The following PTPN2 variants were observed in gnomAD, a reference collection of about 807,000 sequenced individuals.
PTPN2 encodes protein tyrosine phosphatase non-receptor type 2.
A neutral mutation model predicts 57.3 loss-of-function variants in PTPN2; 19 were observed. The ratio of observed to expected loss-of-function variants is 0.33; its 90% CI spans 0.23 to 0.49. The LOEUF is 0.49. Among genes scored for constraint, PTPN2 ranks in the 20% least tolerant of loss-of-function variants. The pLI, the probability that PTPN2 is intolerant of heterozygous loss-of-function variation, is 0.99. For missense variants in PTPN2, 358 were observed against 501.1 expected (o/e 0.71, Z 2.73); for synonymous variants, 153 against 164.9 (o/e 0.93, Z 0.55).
intron 7 of PTPN2, among the ~76,000 whole-genome samples, chr18:12,803,798 C>T (rs2145256417): frequency 6.6e-6 from 1 of 152,266 alleles, no homozygotes; most frequent in South Asian, 2.1e-4. Flanking sequence ...CTACATCCCA[C>T]TTTCAGCAAT....
At chr18:12,830,071 T>C (rs2042614642) in intron 4 of PTPN2, among the ~76,000 whole-genome samples, 1 of 152,058 alleles carries the variant, frequency 6.6e-6, no homozygotes, top group Admixed American at 6.6e-5. Flanking sequence ...TCTACAATGG[T>C]GCTCAAACTG....
chr18:12,867,844 GTTTCT>G (rs113414084), intron 1 of PTPN2, among the ~76,000 whole-genome samples: 20,178 of 152,002 alleles, frequency 0.13, 2,634 homozygotes, highest in African/African-American at 0.34. Context: ...ACTGTTCTCA[GTTTCT>G]TTTCTTTTCT....
rs1173910002 is a variant in PTPN2 at position 12,881,478 on chromosome 18, C to A, written c.69+2595G>T. On this transcript the variant is annotated intron_variant, in intron 1 of 8. Transcript: ENST00000309660. ...TATGATCATGGTATTTCCAGACTTACAATTCCACAATGAGTTCCTATTAAA... is the reference window on the plus strand; with the variant it reads ...TATGATCATGGTATTTCCAGACTTAAAATTCCACAATGAGTTCCTATTAAA... Among the ~76,000 whole-genome samples the A allele has an allele frequency of 2.0e-5, 3 of 152,130 alleles. No individual in the cohort carries two copies. In the East Asian group the frequency reaches 5.8e-4, roughly 29 times the overall value.
At chr18:12,867,148 T>C (rs1439002088) in intron 1 of PTPN2, among the ~76,000 whole-genome samples, 1 of 149,754 alleles carries the variant, frequency 6.7e-6, no homozygotes, top group Non-Finnish European at 1.5e-5. Flanking sequence ...AAAATAAAAA[T>C]AAACACATAA....
At chr18:12,850,546 ACT>A (rs1486032423) in intron 2 of PTPN2, among the ~76,000 whole-genome samples, 1 of 152,026 alleles carries the variant, frequency 6.6e-6, no homozygotes, top group Non-Finnish European at 1.5e-5. Flanking sequence ...TCATTGCAGT[ACT>A]GTTTTAGCTC....
chr18:12,811,487 A>G (rs569494792), intron 7 of PTPN2, among the ~76,000 whole-genome samples: 14 of 152,314 alleles, frequency 9.2e-5, no homozygotes, highest in African/African-American at 3.1e-4. Flanking sequence ...GCAGAGAGAG[A>G]AATAAAAGAG....
intron 2 of PTPN2, among the ~76,000 whole-genome samples, chr18:12,841,941 T>C (rs930587804): frequency 6.6e-6 from 1 of 151,924 alleles, no homozygotes; most frequent in Non-Finnish European, 1.5e-5. Flanking sequence ...AGTTTCGCTC[T>C]TGTTGCCCAG....
chr18:12,833,635 A>AT (rs1411166056), intron 3 of PTPN2, among the ~76,000 whole-genome samples: 2 of 152,162 alleles, frequency 1.3e-5, no homozygotes, highest in Non-Finnish European at 2.9e-5. Flanking sequence ...GAAAAGACAA[A>AT]TAGATCAGTG....
intron 5 of PTPN2, among the ~76,000 whole-genome samples, chr18:12,820,692 AC>A (rs1202344867): frequency 6.7e-6 from 1 of 150,374 alleles, no homozygotes; most frequent in African/African-American, 2.5e-5. Flanking sequence ...TCGCTGCTTC[AC>A]CCCCCTCCCT....
intron 7 of PTPN2, 39 bp from the exon 8 acceptor site, chr18:12,802,190 T>C: frequency 1.4e-6 from 2 of 1,435,604 alleles, no homozygotes; most frequent in Admixed American, 2.4e-5. Flanking sequence ...ATGCAAACAT[T>C]AAAAATTTAT....
rs573336889 is a variant in PTPN2, at chr18:12,860,988, T to A, written c.70-1734A>T. On this transcript the variant is annotated intron_variant, in intron 1 of 8. Transcript: ENST00000309660. ...TTATTACATGTAAGAAAAAGCATTTTAAAAGTTAGGTGCCATTTTGTTTAT... is the reference window on the plus strand; with the variant it reads ...TTATTACATGTAAGAAAAAGCATTTAAAAAGTTAGGTGCCATTTTGTTTAT... Among the ~76,000 whole-genome samples, 202 of 152,340 alleles carry A rather than the reference T, an allele frequency of 1.3e-3. 2 individuals are homozygous for A. Among genetic ancestry groups the A allele is most frequent in the Admixed American group, 9.5e-3 (145 of 15,308 alleles).
At chr18:12,863,362 G>A (rs2145487628) in intron 1 of PTPN2, 1 of 152,170 alleles carries the variant, frequency 6.6e-6, no homozygotes, top group South Asian at 2.1e-4. Flanking sequence ...GGGAGGCAGA[G>A]ACAGGAGGAT....
intron 5 of PTPN2, among the ~76,000 whole-genome samples, chr18:12,820,491 A>G (rs2042234207): frequency 6.6e-6 from 1 of 152,070 alleles, no homozygotes; most frequent in African/African-American, 2.4e-5. Flanking sequence ...ATGAGAGGGG[A>G]AAAAAAGGGT....
In PTPN2 at chr18:12,794,489, T is replaced by G. The variant is rs112291448; in HGVS notation, c.1041-4A>C. On this transcript the variant is annotated splice_polypyrimidine_tract_variant and splice_region_variant and intron_variant, in intron 8 of 8. Transcript: ENST00000309660. ...TCGAATACGTTTCCGTAGAGCACTA[T>G]GAGGAAATAAAAACAAGTGAAAGGA... is the stretch of plus-strand genomic sequence containing the variant. The G allele has an allele frequency of 6.2e-7, 1 of 1,611,784 alleles. No individual in the cohort carries two copies. The highest frequency in any genetic ancestry group is 8.5e-7 in the Non-Finnish European group (1 of 1,179,918).
intron 7 of PTPN2, 30 bp downstream of exon 7, chr18:12,814,173 G>GAT (rs763387354): frequency 6.8e-7 from 1 of 1,476,100 alleles, no homozygotes; most frequent in Non-Finnish European, 9.3e-7. Context: ...TTAACAAATA[G>GAT]ATATGATTTA....
At chr18:12,870,462 T>TAGAGAGAGAGAGAGAG (rs762120431) in intron 1 of PTPN2, among the ~76,000 whole-genome samples, 2 of 17,714 alleles carry the variant, frequency 1.1e-4, no homozygotes, top group Non-Finnish European at 1.5e-4. Flanking sequence ...TATATATATA[T>TAGAGAGAGAGAGAGAG]AGAGAGAGAG....
chr18:12,809,302 T>G (rs574877669), intron 7 of PTPN2, among the ~76,000 whole-genome samples: 1 of 152,200 alleles, frequency 6.6e-6, no homozygotes, highest in Admixed American at 6.5e-5. Context: ...CTAGAAAATA[T>G]GTTTCCTGTG....
intron 2 of PTPN2, among the ~76,000 whole-genome samples, chr18:12,851,564 GC>G (rs1279828315): frequency 6.6e-6 from 1 of 151,866 alleles, no homozygotes; most frequent in African/African-American, 2.4e-5. Context: ...TTATTAAGAA[GC>G]CCATGAACAT....
rs2041062953 is a variant in PTPN2, at chr18:12,793,835, G to A, written c.*443C>T. 7.2e-6 allele frequency: 7 copies of A among 975,862 alleles called. No homozygotes were observed. Among genetic ancestry groups the A allele is most frequent in the Non-Finnish European group, 8.6e-6 (7 of 814,168 alleles). 60.5% of individuals were successfully genotyped at this position (975,862 alleles called of 1,614,324 possible). ...AAAAGTGTTGATGCCCATGTCAATA[G>A]TACATTATACATTACACACATTATT... On this transcript the variant is annotated 3_prime_UTR_variant, in exon 9 of 9. Transcript: ENST00000309660.
Sources: allele counts gnomAD v4.1 joint callset (sites outside exome capture counted in the v4.1 genomes callset), GRCh38; gene constraint gnomAD v4.1.1; transcripts MANE v1.5; gene names NCBI Gene and HGNC (gene_info 2026-07-23, HGNC 2026-07-21).